The following EIF2AK3 variants were observed in gnomAD, a reference collection of about 807,000 sequenced individuals.
EIF2AK3 encodes the protein eukaryotic translation initiation factor 2-alpha kinase 3.
In EIF2AK3, 50 loss-of-function variants were observed where a neutral mutation model predicts 113.5. The ratio of observed to expected loss-of-function variants is 0.44; its 90% CI spans 0.35 to 0.56. The LOEUF is 0.56. Ranked by LOEUF, EIF2AK3 falls within the 20% of genes least tolerant of loss-of-function variation. The pLI is 0.00. For missense variants in EIF2AK3, 1,185 were observed against 1,378.0 expected (o/e 0.86, Z 2.22); for synonymous variants, 448 against 495.4 (o/e 0.90, Z 1.27).
At chr2:88,574,241 C>T (rs539389638) in intron 13 of EIF2AK3, among the ~76,000 whole-genome samples, 4 of 152,122 alleles carry the variant, frequency 2.6e-5, no homozygotes, top group South Asian at 4.1e-4. Flanking sequence ...TCCTTCCATT[C>T]GGATCCCTTT....
At chr2:88,583,565 C>T (rs753907131) in intron 9 of EIF2AK3, 23 bp from the exon 10 acceptor site, 2 of 1,552,074 alleles carry the variant, frequency 1.3e-6, no homozygotes, top group Non-Finnish European at 1.8e-6. Context: ...AAAACAAAAT[C>T]ACTACCAGTA....
intron 2 of EIF2AK3, among the ~76,000 whole-genome samples, chr2:88,613,089 C>T (rs1475617802): frequency 1.3e-5 from 2 of 152,172 alleles, no homozygotes; most frequent in Non-Finnish European, 2.9e-5. Flanking sequence ...GTACCCCATG[C>T]GGGCAGGCTG....
chr2:88,569,471 T>C (rs755211575), intron 14 of EIF2AK3, among the ~76,000 whole-genome samples: 5 of 152,210 alleles, frequency 3.3e-5, no homozygotes, highest in Non-Finnish European at 5.9e-5. Flanking sequence ...ATTAAAATTT[T>C]GGAAGATTTC....
chr2:88,582,319 C>T (rs1245885633), intron 10 of EIF2AK3, among the ~76,000 whole-genome samples: 7 of 152,132 alleles, frequency 4.6e-5, no homozygotes, highest in Non-Finnish European at 5.9e-5. Flanking sequence ...CCTTAGGGAT[C>T]TCTTTGTATA....
At chr2:88,577,396 G>A (rs1400273694) in intron 11 of EIF2AK3, among the ~76,000 whole-genome samples, 5 of 151,244 alleles carry the variant, frequency 3.3e-5, no homozygotes, top group African/African-American at 1.2e-4. Context: ...CGCATCTACT[G>A]CACGTACAAA....
At chr2:88,602,293 T>C (rs1188290337) in intron 2 of EIF2AK3, among the ~76,000 whole-genome samples, 1 of 152,160 alleles carries the variant, frequency 6.6e-6, no homozygotes, top group Non-Finnish European at 1.5e-5. Context: ...ACTCACCCAC[T>C]ATAAAACTGA....
intron 2 of EIF2AK3, among the ~76,000 whole-genome samples, chr2:88,608,979 C>T (rs891294720): frequency 1.3e-5 from 2 of 151,596 alleles, no homozygotes; most frequent in African/African-American, 4.8e-5. Flanking sequence ...AGCAATCCAC[C>T]TGCCTTGGCT....
intron 1 of EIF2AK3, among the ~76,000 whole-genome samples, chr2:88,615,950 AC>A (rs1675557469): frequency 6.6e-6 from 1 of 151,874 alleles, no homozygotes; most frequent in Non-Finnish European, 1.5e-5. Context: ...TCACTTGACC[AC>A]CCAGCAGCAC....
At chr2:88,604,902 T>A (rs2104456701) in intron 2 of EIF2AK3, among the ~76,000 whole-genome samples, 1 of 152,308 alleles carries the variant, frequency 6.6e-6, no homozygotes, top group South Asian at 2.1e-4. Flanking sequence ...TTAAAAAGCA[T>A]TAAATGTTGG....
intron 2 of EIF2AK3, among the ~76,000 whole-genome samples, chr2:88,611,701 G>A (rs948252154): frequency 6.6e-6 from 1 of 152,096 alleles, no homozygotes; most frequent in Admixed American, 6.6e-5. Flanking sequence ...CACGATCTTG[G>A]CTCGCTGCAA....
chr2:88,567,862 A>ATATC (rs1286735499), intron 14 of EIF2AK3, among the ~76,000 whole-genome samples: 10 of 152,302 alleles, frequency 6.6e-5, no homozygotes, highest in African/African-American at 2.4e-4. Flanking sequence ...AAGCAAATGT[A>ATATC]TATCTATCTT....
At chr2:88,626,681 G>T (rs904113123) in intron 1 of EIF2AK3, among the ~76,000 whole-genome samples, 1 of 152,270 alleles carries the variant, frequency 6.6e-6, no homozygotes, top group Non-Finnish European at 1.5e-5. Context: ...TGAAAGAGGG[G>T]AAGTGGCGTT....
chr2:88,607,188 G>C (rs2104460267), intron 2 of EIF2AK3, among the ~76,000 whole-genome samples: 1 of 152,250 alleles, frequency 6.6e-6, no homozygotes, highest in African/African-American at 2.4e-5. Context: ...ATGTAGCCCA[G>C]AGATCCTAAA....
intron 14 of EIF2AK3, among the ~76,000 whole-genome samples, chr2:88,566,459 C>A (rs76282832): frequency 4.2e-4 from 64 of 152,168 alleles, no homozygotes; most frequent in African/African-American, 1.5e-3. Context: ...TCATCATTTT[C>A]TTAATACTTT....
At chr2:88,610,875 C>A (rs569255198) in intron 2 of EIF2AK3, among the ~76,000 whole-genome samples, 1 of 151,798 alleles carries the variant, frequency 6.6e-6, no homozygotes, top group South Asian at 2.1e-4. Context: ...TAGGCAATAT[C>A]GAGACTCTGT....
intron 16 of EIF2AK3, 54 bp downstream of exon 16, chr2:88,558,863 G>C: frequency 7.1e-7 from 1 of 1,403,606 alleles, no homozygotes; most frequent in South Asian, 1.2e-5. Context: ...GCTAAGGACC[G>C]CTTACGTTCT....
At chr2:88,619,976 T>A (rs901057569) in intron 1 of EIF2AK3, among the ~76,000 whole-genome samples, 8 of 138,824 alleles carry the variant, frequency 5.8e-5, no homozygotes, top group East Asian at 2.2e-4. Flanking sequence ...AAAAAAAAAA[T>A]CTTTGCCTTC....
Position 88,576,625 on chromosome 2 carries a change from G to A in EIF2AK3, c.1965C>T (p.Phe655=). 1 of 1,614,100 alleles carries A rather than the reference G, an allele frequency of 6.2e-7. No homozygotes were observed. The highest frequency in any genetic ancestry group is 1.1e-5 in the South Asian group (1 of 91,076). The change falls in exon 12 of 17, where the codon TTC becomes TTT. Residue 655 remains phenylalanine (F), a synonymous_variant. Transcript: ENST00000303236. Reference sequence around the variant, plus strand: ...CTGGTGGTGCTTCGAGCCAGGCATTGAAATATCTAACAATGCCCGGGTGTT... The same window carrying A: ...CTGGTGGTGCTTCGAGCCAGGCATTAAAATATCTAACAATGCCCGGGTGTT... The part of the protein sequence containing the change: ...KLEHPGIVRY[F]NAWLEAPPEK...
At chr2:88,620,173 G>A (rs1053471234) in intron 1 of EIF2AK3, among the ~76,000 whole-genome samples, 5 of 152,046 alleles carry the variant, frequency 3.3e-5, no homozygotes, top group African/African-American at 1.2e-4. Flanking sequence ...AGGTCACACT[G>A]CTTGGTGTGG....
Sources: allele counts gnomAD v4.1 joint callset (sites outside exome capture counted in the v4.1 genomes callset), GRCh38; gene constraint gnomAD v4.1.1; transcripts MANE v1.5; gene names NCBI Gene and HGNC (gene_info 2026-07-23, HGNC 2026-07-21).